Variants in UBAC2 observed in about 807,000 individuals in gnomAD.
UBAC2 encodes the protein ubiquitin-associated domain-containing protein 2.
In UBAC2, 26 loss-of-function variants were observed where a neutral mutation model predicts 44.0. The observed-to-expected ratio is 0.59, with a 90% CI of 0.43 to 0.82. UBAC2 has a LOEUF of 0.82. UBAC2 is among the 40% of genes least tolerant of loss of function. The pLI, the probability that UBAC2 is intolerant of heterozygous loss-of-function variation, is 0.00. For missense variants in UBAC2, 329 were observed against 419.4 expected (o/e 0.78, Z 1.88); for synonymous variants, 155 against 154.3 (o/e 1.00, Z -0.04).
chr13:99,283,825 C>A (rs1055460898), intron 4 of UBAC2, among the ~76,000 whole-genome samples: 3 of 137,442 alleles, frequency 2.2e-5, no homozygotes, highest in Non-Finnish European at 4.6e-5. Flanking sequence ...GCCTCTGCCT[C>A]CCGGGTTCAA....
At chr13:99,249,290 C>T (rs2142751280) in intron 4 of UBAC2, among the ~76,000 whole-genome samples, 1 of 152,090 alleles carries the variant, frequency 6.6e-6, no homozygotes, top group East Asian at 1.9e-4. Flanking sequence ...GTTCATGTGG[C>T]ATTTGATTTT....
chr13:99,371,686 C>T (rs1036685138), intron 8 of UBAC2, among the ~76,000 whole-genome samples: 4 of 152,032 alleles, frequency 2.6e-5, no homozygotes, highest in African/African-American at 9.7e-5. Context: ...ATCAGAGCCA[C>T]GTAATTTTAA....
chr13:99,344,423 CTTCT>C (rs1192292517), intron 7 of UBAC2, among the ~76,000 whole-genome samples: 1 of 152,186 alleles, frequency 6.6e-6, no homozygotes, highest in Non-Finnish European at 1.5e-5. Context: ...CTTCCATCTT[CTTCT>C]TTATGTTTCA....
At position 99,238,429 on chromosome 13, in the gene UBAC2, A is replaced by C; in HGVS notation, c.34A>C (p.Lys12Gln). 1.2e-6 allele frequency: 2 copies of C among 1,612,628 alleles called. No individual in the cohort carries two copies. The highest frequency in any genetic ancestry group is 1.7e-6 in the Non-Finnish European group (2 of 1,179,062). Residue 12 changes from lysine (K) to glutamine (Q), a missense_variant and splice_region_variant, in exon 2 of 9, where the codon AAG becomes CAG. Physicochemically the swap from Lys to Gln is moderately conservative, Grantham distance 53. Transcript: ENST00000403766. ...AGTGCTTTCCTTTTTCCCTCCAGAC[A>C]AGGCGCCTCTGTCGAAGAGCCTTCT... is the stretch of plus-strand genomic sequence containing the variant. The part of the protein sequence containing the change: ...FTSTGSSGLY[K>Q]APLSKSLLLV...
At chr13:99,284,270 G>T (rs1011149737) in intron 4 of UBAC2, among the ~76,000 whole-genome samples, 5 of 152,196 alleles carry the variant, frequency 3.3e-5, no homozygotes, top group African/African-American at 1.2e-4. Context: ...CATGAATGGG[G>T]CCTGAAGAAG....
intron 7 of UBAC2, among the ~76,000 whole-genome samples, chr13:99,355,014 A>G (rs1015733208): frequency 1.7e-4 from 26 of 152,182 alleles, no homozygotes; most frequent in Non-Finnish European, 3.5e-4. Flanking sequence ...GAACGCAGAT[A>G]GGCAAGTGCG....
In UBAC2 at chr13:99,298,715, A is replaced by C. The variant is rs544528418; in HGVS notation, c.390-15382A>C. Among the ~76,000 whole-genome samples, 9 of 152,282 alleles carry C rather than the reference A, an allele frequency of 5.9e-5. No individual in the cohort carries two copies. In the South Asian group the frequency reaches 1.7e-3, roughly 28 times the overall value. ...AAAAAATGGAGTGGTTCTTAAATAG[A>C]AAATCATAGGGATTTCATTGTGGAA... On this transcript the variant is annotated intron_variant, in intron 4 of 8. Coordinates refer to ENST00000403766, the MANE Select transcript of UBAC2 (RefSeq NM_001144072.2).
Position 99,347,331 on chromosome 13 carries a change from C to CAA in UBAC2, c.807+6766_807+6767insAA, listed in dbSNP as rs1566514530. 6.3e-5 allele frequency among the ~76,000 whole-genome samples: 5 copies of CAA among 79,880 alleles called. 1 individual carries two copies. Among genetic ancestry groups the CAA allele is most frequent in the African/African-American group, 1.8e-4 (5 of 27,660 alleles). 52.4% of individuals were successfully genotyped at this position (79,880 alleles called of 152,430 possible). A position where few individuals can be genotyped will look rare whatever the true frequency, so the allele number is the denominator to read the frequency against. On this transcript the variant is annotated intron_variant, in intron 7 of 8. Transcript: ENST00000403766. ...ACTATCCCCGGGCGCCCCCCCCCCC[C>CAA]CCCAGGAAAAAAAAGGCAAGTGAAG... is the stretch of plus-strand genomic sequence containing the variant.
chr13:99,272,091 A>C (rs1352020173), intron 4 of UBAC2, among the ~76,000 whole-genome samples: 1 of 152,168 alleles, frequency 6.6e-6, no homozygotes, highest in Non-Finnish European at 1.5e-5. Context: ...GTGATCTTTG[A>C]TGGTCTGGGC....
intron 8 of UBAC2, among the ~76,000 whole-genome samples, chr13:99,372,017 C>T (rs2045413077): frequency 6.6e-6 from 1 of 152,232 alleles, no homozygotes; most frequent in Non-Finnish European, 1.5e-5. Flanking sequence ...CACGGCACCT[C>T]TGCCAATTCA....
chr13:99,218,456 T>A (rs2043020903), intron 1 of UBAC2, among the ~76,000 whole-genome samples: 1 of 152,184 alleles, frequency 6.6e-6, no homozygotes, highest in Non-Finnish European at 1.5e-5. Context: ...TGGAGCACAT[T>A]TTTTGTATCT....
chr13:99,319,658 T>G (rs1235850158), intron 6 of UBAC2, among the ~76,000 whole-genome samples: 1 of 152,240 alleles, frequency 6.6e-6, no homozygotes, highest in Non-Finnish European at 1.5e-5. Flanking sequence ...CTGATTTGGC[T>G]TCAGGACCAC....
At chr13:99,358,337 G>C (rs1203113379) in intron 7 of UBAC2, among the ~76,000 whole-genome samples, 2 of 152,134 alleles carry the variant, frequency 1.3e-5, no homozygotes, top group African/African-American at 4.8e-5. Flanking sequence ...TATCTATGTG[G>C]CTGGATTTGC....
chr13:99,284,732 T>G (rs2043996139), intron 4 of UBAC2, among the ~76,000 whole-genome samples: 1 of 152,250 alleles, frequency 6.6e-6, no homozygotes, highest in Admixed American at 6.5e-5. Context: ...CCTTACTGTT[T>G]AATCCGGACT....
intron 4 of UBAC2, among the ~76,000 whole-genome samples, chr13:99,253,600 G>T (rs568033112): frequency 6.6e-6 from 1 of 151,962 alleles, no homozygotes; most frequent in African/African-American, 2.4e-5. Flanking sequence ...TGCAGCCTCC[G>T]CCTCCTGGGT....
chr13:99,258,508 G>A lies in UBAC2; in HGVS notation c.389+13884G>A, dbSNP rs558649265. 9 of 152,174 alleles carry A rather than the reference G, an allele frequency of 5.9e-5. No homozygotes were observed. In the South Asian group the frequency reaches 1.7e-3, roughly 28 times the overall value. The allele number at this position is 152,174 out of a possible 1,614,324, so 9.4% of individuals were successfully genotyped here. A position where few individuals can be genotyped will look rare whatever the true frequency, so the allele number is the denominator to read the frequency against. On this transcript the variant is annotated intron_variant, in intron 4 of 8. Transcript: ENST00000403766. ...TAGCATAAGCTCCCCTTGAAATGAT[G>A]GCATATATTTAAGATAATTATATAC...
chr13:99,336,357 C>A (rs751184581), intron 6 of UBAC2, among the ~76,000 whole-genome samples: 4 of 152,126 alleles, frequency 2.6e-5, no homozygotes, highest in Non-Finnish European at 5.9e-5. Flanking sequence ...TGTGTGTTTT[C>A]TTTTCTAGTT....
At position 99,350,950 on chromosome 13, in the gene UBAC2, C is replaced by G. The variant is rs143955123; in HGVS notation, c.807+10385C>G. ...TGGGGTATGAAGCCCCCCAGCACATCTGGTGTCAGAATATTGTGTTGAGTC... is the reference window on the plus strand; with the variant it reads ...TGGGGTATGAAGCCCCCCAGCACATGTGGTGTCAGAATATTGTGTTGAGTC... On this transcript the variant is annotated intron_variant, in intron 7 of 8. Transcript: ENST00000403766. Among the ~76,000 whole-genome samples, 137 of 152,282 alleles carry G rather than the reference C, an allele frequency of 9.0e-4. 1 individual carries two copies. Among genetic ancestry groups the G allele is most frequent in the African/African-American group, 3.1e-3 (129 of 41,550 alleles).
At chr13:99,330,343 C>T (rs535707860) in intron 6 of UBAC2, among the ~76,000 whole-genome samples, 2 of 150,412 alleles carry the variant, frequency 1.3e-5, no homozygotes, top group East Asian at 2.0e-4. Flanking sequence ...CCTGTAATCC[C>T]AGCTATTCAG....
Sources: allele counts gnomAD v4.1 joint callset (sites outside exome capture counted in the v4.1 genomes callset), GRCh38; gene constraint gnomAD v4.1.1; transcripts MANE v1.5; gene names NCBI Gene and HGNC (gene_info 2026-07-23, HGNC 2026-07-21).